SHISA6: variants seen among roughly 807,000 people sequenced by gnomAD.
SHISA6 encodes the protein shisa family member 6, also known as protein shisa-6.
A neutral mutation model predicts 47.9 loss-of-function variants in SHISA6; 22 were observed. The ratio of observed to expected loss-of-function variants is 0.46; its 90% CI spans 0.33 to 0.66. The LOEUF (loss-of-function observed/expected upper bound fraction) is 0.66, where lower values mean the gene tolerates loss of function less well. Among genes scored for constraint, SHISA6 ranks in the 30% least tolerant of loss-of-function variants. The probability of loss-of-function intolerance (pLI) is 0.02; values close to 1 mark genes in which losing one functional copy is unlikely to be tolerated. For missense variants in SHISA6, 680 were observed against 764.6 expected, an observed-to-expected ratio of 0.89 and a Z score of 1.30; for synonymous variants, 388 against 337.8, an observed-to-expected ratio of 1.15 and a Z score of -1.63.
At chr17:11,428,102 A>T (rs939443371) in intron 3 of SHISA6, among the ~76,000 whole-genome samples, 3 of 152,208 alleles carry the variant, frequency 2.0e-5, no homozygotes, top group Non-Finnish European at 4.4e-5. Context: ...ACACTAGACT[A>T]TGCCCATTTT....
At chr17:11,305,027 T>A (rs576216981) in intron 2 of SHISA6, among the ~76,000 whole-genome samples, 1 of 152,244 alleles carries the variant, frequency 6.6e-6, no homozygotes, top group Non-Finnish European at 1.5e-5. Flanking sequence ...CAAGACTAGA[T>A]GTCACATTGA....
At chr17:11,519,234 C>T (rs1401824408) in intron 3 of SHISA6, among the ~76,000 whole-genome samples, 2 of 152,176 alleles carry the variant, frequency 1.3e-5, no homozygotes, top group Non-Finnish European at 2.9e-5. Context: ...GAGGTAGAAG[C>T]GGCCCCAGCA....
At chr17:11,290,406 A>G (rs1303492910) in intron 2 of SHISA6, 2 of 141,200 alleles carry the variant, frequency 1.4e-5, no homozygotes, top group African/African-American at 5.3e-5. Flanking sequence ...GCTGGAGTGC[A>G]GTGGCGCAAT....
At chr17:11,292,197 T>A (rs1909577136) in intron 2 of SHISA6, among the ~76,000 whole-genome samples, 1 of 152,170 alleles carries the variant, frequency 6.6e-6, no homozygotes. Context: ...ACCTCTTTGA[T>A]AACCCTTTCT....
rs964679787 is a variant in SHISA6 at position 11,350,182 on chromosome 17, A to ATTTATTTTTT, written c.800-29229_800-29228insATTTTTTTTT. 6.9e-5 allele frequency among the ~76,000 whole-genome samples: 8 copies of ATTTATTTTTT among 116,268 alleles called. No homozygotes were observed. In the East Asian group the frequency reaches 2.2e-3, roughly 32 times the overall value. The allele number at this position is 116,268 out of a possible 152,430, so 76.3% of individuals were successfully genotyped here. A position where few individuals can be genotyped will look rare whatever the true frequency, so the allele number is the denominator to read the frequency against. On this transcript the variant is annotated intron_variant, in intron 2 of 5. Transcript: ENST00000441885. ...AATTTATTTATTTATTTATTTATTT[A>ATTTATTTTTT]TTTTTTTTTTTTTTTGAGACGGAGT...
At chr17:11,273,709 G>A (rs1017793090) in intron 2 of SHISA6, among the ~76,000 whole-genome samples, 2 of 152,122 alleles carry the variant, frequency 1.3e-5, no homozygotes, top group African/African-American at 4.8e-5. Context: ...AGGCTACAGC[G>A]ACATGGAGTG....
intron 3 of SHISA6, among the ~76,000 whole-genome samples, chr17:11,476,973 C>G (rs2969223): frequency 6.6e-6 from 1 of 151,920 alleles, no homozygotes; most frequent in Non-Finnish European, 1.5e-5. Context: ...AAAACTGTTA[C>G]GTCTTCTTTG....
chr17:11,263,457 GA>G lies in SHISA6; in HGVS notation c.731del (p.Glu244GlyfsTer49). 1 of 1,551,854 alleles carries G rather than the reference GA, an allele frequency of 6.4e-7. No homozygotes were observed. The highest frequency in any genetic ancestry group is 8.7e-7 in the Non-Finnish European group (1 of 1,147,040). ...TISAIDTSPKENTPVRSSSKN... is the reference protein window; with the variant it reads ...TISAIDTSPKXNTPVRSSSKN... ...CTCGGCTATCGATACCTCTCCCAAA[GA>G]GAACACGCCGGTCAGATCGTCCTCC... On this transcript the variant is annotated frameshift_variant, in exon 2 of 6. Coordinates refer to ENST00000441885, the MANE Select transcript of SHISA6 (RefSeq NM_207386.4). LOFTEE classifies it high-confidence loss of function.
rs190772055 is a variant in SHISA6, at chr17:11,379,405, T to A, written c.800-9T>A. The A allele has an allele frequency of 2.5e-5, 38 of 1,534,830 alleles. No homozygotes were observed. Among genetic ancestry groups the A allele is most frequent in the Admixed American group, 2.3e-4 (11 of 48,202 alleles). On this transcript the variant is annotated splice_polypyrimidine_tract_variant and intron_variant, in intron 2 of 5. Transcript: ENST00000441885. ...ATGCGCCAGGTAATTCTGCCCCATC[T>A]TCTTGCAGGGCATTATGGGAAGGAT...
At chr17:11,452,844 A>G (rs36024971) in intron 3 of SHISA6, among the ~76,000 whole-genome samples, 1 of 146,950 alleles carries the variant, frequency 6.8e-6, no homozygotes, top group Non-Finnish European at 1.5e-5. Context: ...CTCTTCCTCT[A>G]CTCCTTGTTC....
At chr17:11,528,326 T>A (rs893139151) in intron 3 of SHISA6, among the ~76,000 whole-genome samples, 4 of 152,126 alleles carry the variant, frequency 2.6e-5, no homozygotes, top group Non-Finnish European at 4.4e-5. Context: ...AATGGGAAAA[T>A]TTTAATTATC....
At chr17:11,490,337 G>T (rs1398632044) in intron 3 of SHISA6, among the ~76,000 whole-genome samples, 2 of 152,136 alleles carry the variant, frequency 1.3e-5, no homozygotes, top group Non-Finnish European at 2.9e-5. Context: ...CACTGAGAGG[G>T]AGTAAGAGAA....
At chr17:11,306,132 T>A (rs1446095989) in intron 2 of SHISA6, among the ~76,000 whole-genome samples, 1 of 152,202 alleles carries the variant, frequency 6.6e-6, no homozygotes, top group Non-Finnish European at 1.5e-5. Flanking sequence ...GCTTATTCAC[T>A]GCAAACCATA....
chr17:11,318,384 C>A (rs1008490346), intron 2 of SHISA6, among the ~76,000 whole-genome samples: 2 of 152,154 alleles, frequency 1.3e-5, no homozygotes, highest in East Asian at 1.9e-4. Flanking sequence ...CACACTAGGC[C>A]TCGTTTGGCT....
At chr17:11,502,109 AGG>A (rs1271796737) in intron 3 of SHISA6, among the ~76,000 whole-genome samples, 2 of 152,160 alleles carry the variant, frequency 1.3e-5, no homozygotes, top group African/African-American at 2.4e-5. Context: ...ACCATTGCAG[AGG>A]GTTAAGACTA....
At chr17:11,553,390 T>G (rs140958724) in intron 4 of SHISA6, among the ~76,000 whole-genome samples, 26 of 152,228 alleles carry the variant, frequency 1.7e-4, no homozygotes, top group Admixed American at 6.5e-4. Flanking sequence ...ACTACCCAGC[T>G]CATTTTCCTG....
At chr17:11,267,489 C>T (rs1319867869) in intron 2 of SHISA6, among the ~76,000 whole-genome samples, 1 of 152,144 alleles carries the variant, frequency 6.6e-6, no homozygotes, top group East Asian at 1.9e-4. Flanking sequence ...AATACCAATG[C>T]CTGCCCCCAT....
At chr17:11,262,192 C>G (rs1161959430) in intron 1 of SHISA6, among the ~76,000 whole-genome samples, 1 of 152,170 alleles carries the variant, frequency 6.6e-6, no homozygotes, top group Non-Finnish European at 1.5e-5. Context: ...TTCTTTCCCC[C>G]ACAATTTACT....
At chr17:11,550,250 T>C (rs2071919588) in intron 3 of SHISA6, among the ~76,000 whole-genome samples, 1 of 152,102 alleles carries the variant, frequency 6.6e-6, no homozygotes, top group Admixed American at 6.5e-5. Flanking sequence ...AGAGATGGGG[T>C]TTCACCATGT....
Sources: gnomAD v4.1 joint callset for allele counts (sites outside exome capture counted in the v4.1 genomes callset) on GRCh38, gnomAD v4.1.1 for gene constraint, MANE v1.5 for transcripts, NCBI Gene and HGNC (gene_info 2026-07-23, HGNC 2026-07-21) for gene names.